TBC1D5: variants seen among roughly 807,000 people sequenced by gnomAD.
TBC1D5 encodes TBC1 domain family, member 5.
Under a neutral mutation model 100.3 loss-of-function variants are expected in TBC1D5, and 75 were observed. That is an observed-to-expected ratio of 0.75 (90% CI 0.62 to 0.91). The LOEUF (loss-of-function observed/expected upper bound fraction) is 0.91. Among genes scored for constraint, TBC1D5 ranks in the 40% least tolerant of loss-of-function variants. TBC1D5 has a pLI of 0.00. For missense variants in TBC1D5, 910 were observed against 942.4 expected (o/e 0.97, Z 0.45); for synonymous variants, 323 against 325.6 (o/e 0.99, Z 0.09).
chr3:17,702,789 A>G (rs1182531599), intron 1 of TBC1D5, among the ~76,000 whole-genome samples: 1 of 152,164 alleles, frequency 6.6e-6, no homozygotes, highest in African/African-American at 2.4e-5. Context: ...CCAAGGGTAG[A>G]AAAAAAGCTG....
chr3:17,317,861 G>A (rs1472810866), intron 13 of TBC1D5, among the ~76,000 whole-genome samples: 1 of 152,078 alleles, frequency 6.6e-6, no homozygotes, highest in Middle Eastern at 3.2e-3. Flanking sequence ...ATTTGACCCA[G>A]CCATCCCATT....
intron 3 of TBC1D5, among the ~76,000 whole-genome samples, chr3:17,455,478 A>ATGTATATATATG (rs1251779138): frequency 6.9e-6 from 1 of 144,072 alleles, no homozygotes; most frequent in Admixed American, 7.0e-5. Context: ...GTGTATATAT[A>ATGTATATATATG]TGTATATATA....
At chr3:17,241,289 G>C (rs551360257) in intron 16 of TBC1D5, among the ~76,000 whole-genome samples, 1 of 152,164 alleles carries the variant, frequency 6.6e-6, no homozygotes, top group Non-Finnish European at 1.5e-5. Flanking sequence ...GCTGTGATGT[G>C]TATGATTAAG....
chr3:17,158,309 C>A (rs533619823), exon 22 of TBC1D5: 6 of 152,040 alleles, frequency 3.9e-5, no homozygotes, highest in Admixed American at 2.6e-4. Flanking sequence ...ATAATCAAAA[C>A]GTAAGAAGGG....
intron 16 of TBC1D5, among the ~76,000 whole-genome samples, chr3:17,256,397 A>T (rs900623478): frequency 8.2e-5 from 12 of 146,564 alleles, no homozygotes; most frequent in Non-Finnish European, 1.1e-4. Context: ...TATATATATA[A>T]TATATATATA....
At chr3:17,227,228 G>A (rs1346825894) in intron 17 of TBC1D5, among the ~76,000 whole-genome samples, 1 of 152,108 alleles carries the variant, frequency 6.6e-6, no homozygotes, top group Non-Finnish European at 1.5e-5. Flanking sequence ...AGAGGAAATG[G>A]TCGTGGTGGG....
At chr3:17,195,298 A>G (rs2070502408) in intron 18 of TBC1D5, among the ~76,000 whole-genome samples, 1 of 152,188 alleles carries the variant, frequency 6.6e-6, no homozygotes, top group Non-Finnish European at 1.5e-5. Context: ...CTCCTCCACC[A>G]GGACAATAAA....
intron 3 of TBC1D5, among the ~76,000 whole-genome samples, chr3:17,449,110 C>T (rs1389092976): frequency 6.6e-6 from 1 of 152,176 alleles, no homozygotes; most frequent in Non-Finnish European, 1.5e-5. Flanking sequence ...CATGGGGCAC[C>T]ACCTCACCTG....
intron 2 of TBC1D5, among the ~76,000 whole-genome samples, chr3:17,533,099 ACACAC>A (rs1256781269): frequency 1.3e-5 from 2 of 151,426 alleles, no homozygotes; most frequent in Admixed American, 6.6e-5. Flanking sequence ...ACACACACAC[ACACAC>A]ACTTCCAATT....
chr3:17,238,081 G>T, intron 17 of TBC1D5, 82 bp downstream of exon 17: 1 of 1,499,442 alleles, frequency 6.7e-7, no homozygotes, highest in Non-Finnish European at 8.9e-7. Flanking sequence ...TATTCTAGGA[G>T]ATTGGTTCCT....
intron 17 of TBC1D5, among the ~76,000 whole-genome samples, chr3:17,235,262 C>G (rs985703078): frequency 1.3e-5 from 2 of 152,222 alleles, no homozygotes; most frequent in African/African-American, 2.4e-5. Flanking sequence ...ACAAACACAA[C>G]TGTCCCCCTA....
intron 4 of TBC1D5, among the ~76,000 whole-genome samples, chr3:17,415,000 A>T (rs1325372571): frequency 6.6e-6 from 1 of 152,186 alleles, no homozygotes; most frequent in Non-Finnish European, 1.5e-5. Context: ...CATTGCCTAG[A>T]GGTTTGTTAA....
chr3:17,400,957 C>T (rs1466880614), intron 8 of TBC1D5, among the ~76,000 whole-genome samples: 2 of 152,038 alleles, frequency 1.3e-5, no homozygotes, highest in Non-Finnish European at 2.9e-5. Context: ...TGTTGGGACT[C>T]GGACTGGCTT....
chr3:17,208,964 C>A (rs1250092937), intron 18 of TBC1D5, among the ~76,000 whole-genome samples: 1 of 152,134 alleles, frequency 6.6e-6, no homozygotes, highest in Non-Finnish European at 1.5e-5. Flanking sequence ...ATATATGTAA[C>A]ACTTACATAA....
At chr3:17,740,374 A>G (rs540478003) in exon 1 of TBC1D5, 1 of 152,150 alleles carries the variant, frequency 6.6e-6, no homozygotes, top group African/African-American at 2.4e-5. Context: ...AGCACTTACA[A>G]CAGTGTCCGG....
intron 14 of TBC1D5, among the ~76,000 whole-genome samples, chr3:17,305,347 A>G (rs2083295359): frequency 6.6e-6 from 1 of 152,154 alleles, no homozygotes; most frequent in African/African-American, 2.4e-5. Context: ...TACCCACCTT[A>G]GGTAATAGGA....
At chr3:17,321,647 C>T (rs190994125) in intron 13 of TBC1D5, among the ~76,000 whole-genome samples, 9 of 152,082 alleles carry the variant, frequency 5.9e-5, no homozygotes, top group Admixed American at 4.6e-4. Flanking sequence ...TATACTTTAC[C>T]GTTATTTTCT....
chr3:17,309,199 T>A (rs1204205051), intron 13 of TBC1D5, among the ~76,000 whole-genome samples: 3 of 151,866 alleles, frequency 2.0e-5, no homozygotes, highest in Admixed American at 6.6e-5. Context: ...GCAAAAAAAA[T>A]TCAAATATTT....
At chr3:17,667,023 G>C (rs2067342117) in intron 1 of TBC1D5, among the ~76,000 whole-genome samples, 1 of 152,120 alleles carries the variant, frequency 6.6e-6, no homozygotes, top group Non-Finnish European at 1.5e-5. Flanking sequence ...GACAGTGTGA[G>C]ATGTACATAT....
Sources: allele counts gnomAD v4.1 joint callset (sites outside exome capture counted in the v4.1 genomes callset), GRCh38; gene constraint gnomAD v4.1.1; transcripts MANE v1.5; gene names NCBI Gene and HGNC (gene_info 2026-07-23, HGNC 2026-07-21).